The following ADRA1B variants were observed in gnomAD, a reference collection of about 807,000 sequenced individuals.
ADRA1B encodes adrenoceptor alpha 1B, also known as alpha-1B adrenergic receptor.
Under a neutral mutation model 17.9 loss-of-function variants are expected in ADRA1B, and 17 were observed. The observed-to-expected ratio is 0.95, with a 90% CI of 0.65 to 1.42. The LOEUF (loss-of-function observed/expected upper bound fraction) is 1.42. Ranked by LOEUF, ADRA1B falls within the 40% of genes most tolerant of loss-of-function variation. The probability of loss-of-function intolerance (pLI) is 0.00; values close to 1 mark genes in which losing one functional copy is unlikely to be tolerated. For missense variants in ADRA1B, 681 were observed against 722.1 expected (o/e 0.94, Z 0.65); for synonymous variants, 366 against 327.6 (o/e 1.12, Z -1.27).
intron 1 of ADRA1B, among the ~76,000 whole-genome samples, chr5:159,888,903 C>T (rs1450061155): frequency 6.6e-6 from 1 of 152,226 alleles, no homozygotes; most frequent in Non-Finnish European, 1.5e-5. Context: ...AGCTATTACA[C>T]TTCCTTTTTT....
chr5:159,950,910 C>T (rs1344410605), intron 1 of ADRA1B: 4 of 566,464 alleles, frequency 7.1e-6, no homozygotes, highest in Admixed American at 4.5e-5. Flanking sequence ...CCGCAGCCGT[C>T]GCACCACAGT....
chr5:159,924,292 T>C (rs1754580351), intron 1 of ADRA1B, among the ~76,000 whole-genome samples: 1 of 152,164 alleles, frequency 6.6e-6, no homozygotes, highest in Admixed American at 6.6e-5. Flanking sequence ...TCTCTGTGCG[T>C]GTGTATGTGT....
intron 1 of ADRA1B, among the ~76,000 whole-genome samples, chr5:159,926,517 G>A (rs1008648320): frequency 2.6e-5 from 4 of 152,108 alleles, no homozygotes; most frequent in Admixed American, 1.3e-4. Flanking sequence ...TTCATACAGC[G>A]TGTACCAGAC....
chr5:159,969,935 T>TAA (rs573102913), intron 1 of ADRA1B, among the ~76,000 whole-genome samples: 1 of 149,202 alleles, frequency 6.7e-6, no homozygotes, highest in African/African-American at 2.5e-5. Flanking sequence ...TGCATTTTTT[T>TAA]AAAAAAAAAA....
chr5:159,940,234 C>T (rs964098912), intron 1 of ADRA1B, among the ~76,000 whole-genome samples: 2 of 152,168 alleles, frequency 1.3e-5, no homozygotes, highest in Non-Finnish European at 2.9e-5. Flanking sequence ...CTTATCTGTG[C>T]ACTTCTTTGT....
At chr5:159,966,138 G>C (rs1028463476) in intron 1 of ADRA1B, among the ~76,000 whole-genome samples, 3 of 152,042 alleles carry the variant, frequency 2.0e-5, no homozygotes, top group African/African-American at 7.2e-5. Flanking sequence ...AAAGAAAACA[G>C]GCACAAAACT....
chr5:159,971,350 T>G lies in ADRA1B; in HGVS notation c.950-529T>G, dbSNP rs183377551. Among the ~76,000 whole-genome samples, 67 of 152,352 alleles carry G rather than the reference T, an allele frequency of 4.4e-4. 1 individual carries two copies. The highest frequency in any genetic ancestry group is 4.3e-3 in the Admixed American group (66 of 15,306). ...GATTCGTCCTTTTGAAGTATTGTTT[T>G]TCTTCACCCCTAGATCAAAAAAATA... On this transcript the variant is annotated intron_variant, in intron 1 of 1. Transcript: ENST00000306675.
rs1207783607 is a variant in ADRA1B, at chr5:159,972,955, G to A, written c.*463G>A. On this transcript the variant is annotated 3_prime_UTR_variant, in exon 2 of 2. Coordinates refer to ENST00000306675, the MANE Select transcript of ADRA1B (RefSeq NM_000679.4). ...AAGCCCCTCCTTGTACTTCACTGAA[G>A]GATGGCACTTTGGTGGGGTTGGAAA... Among the ~76,000 whole-genome samples the A allele has an allele frequency of 6.6e-6, 1 of 152,196 alleles. No individual in the cohort carries two copies. The highest frequency in any genetic ancestry group is 2.4e-5 in the African/African-American group (1 of 41,454).
chr5:159,969,938 A>ATT (rs1561612175), intron 1 of ADRA1B, among the ~76,000 whole-genome samples: 1 of 151,978 alleles, frequency 6.6e-6, no homozygotes, highest in African/African-American at 2.4e-5. Flanking sequence ...ATTTTTTTAA[A>ATT]AAAAAAACAC....
Position 159,945,063 on chromosome 5 carries a change from C to A in ADRA1B, c.950-26816C>A, listed in dbSNP as rs139653316. The stretch of plus-strand genomic sequence containing the variant: ...ATAAGCTCAACCTGAGGAAGCTGAT[C>A]GAAAAAGAAAATAATTAATTTTAAG... On this transcript the variant is annotated intron_variant, in intron 1 of 1. Transcript: ENST00000306675. Among the ~76,000 whole-genome samples the A allele has an allele frequency of 4.7e-3, 720 of 152,066 alleles. 6 individuals carry two copies. Among genetic ancestry groups the A allele is most frequent in the African/African-American group, 0.015 (626 of 41,468 alleles).
At chr5:159,957,467 T>C (rs1161665325) in intron 1 of ADRA1B, among the ~76,000 whole-genome samples, 1 of 147,496 alleles carries the variant, frequency 6.8e-6, no homozygotes, top group Non-Finnish European at 1.5e-5. Context: ...ATCATGCAAC[T>C]GCGCTCCAAT....
chr5:159,927,070 G>A (rs1754675783), intron 1 of ADRA1B, among the ~76,000 whole-genome samples: 1 of 152,118 alleles, frequency 6.6e-6, no homozygotes, highest in Admixed American at 6.5e-5. Context: ...AAGCGAGATT[G>A]GCTAGGTCAA....
intron 1 of ADRA1B, among the ~76,000 whole-genome samples, chr5:159,936,137 C>T (rs1219515944): frequency 1.3e-5 from 2 of 152,208 alleles, no homozygotes; most frequent in South Asian, 2.1e-4. Flanking sequence ...TGTCAGGAGA[C>T]ATTTTTTATT....
chr5:159,919,940 C>G (rs565924932), intron 1 of ADRA1B, among the ~76,000 whole-genome samples: 1 of 152,342 alleles, frequency 6.6e-6, no homozygotes, highest in South Asian at 2.1e-4. Flanking sequence ...CTCTGTGGCT[C>G]TAGGCTTGCT....
chr5:159,924,120 G>A (rs1246998624), intron 1 of ADRA1B, among the ~76,000 whole-genome samples: 1 of 152,268 alleles, frequency 6.6e-6, no homozygotes, highest in East Asian at 1.9e-4. Flanking sequence ...ACTGGCTTAT[G>A]ACGAATCAGA....
At chr5:159,951,420 T>G (rs547124879) in intron 1 of ADRA1B, 7 of 795,222 alleles carry the variant, frequency 8.8e-6, no homozygotes, top group Admixed American at 1.7e-5. Flanking sequence ...ATATCCACTT[T>G]ACTAGAGTTA....
chr5:159,880,138 T>C (rs1753848480), intron 1 of ADRA1B, among the ~76,000 whole-genome samples: 1 of 152,232 alleles, frequency 6.6e-6, no homozygotes, highest in Admixed American at 6.5e-5. Context: ...AAGGCCCTTT[T>C]TGGGCACTAC....
intron 1 of ADRA1B, among the ~76,000 whole-genome samples, chr5:159,903,588 T>C (rs1390513498): frequency 6.6e-6 from 1 of 152,150 alleles, no homozygotes; most frequent in Non-Finnish European, 1.5e-5. Context: ...CCACTGGTAA[T>C]GGCCAAGTAG....
Position 159,972,121 on chromosome 5 carries a change from G to C in ADRA1B, c.1192G>C (p.Glu398Gln). 2 of 1,323,304 alleles carry C rather than the reference G, an allele frequency of 1.5e-6. No homozygotes were observed. Among genetic ancestry groups the C allele is most frequent in the Non-Finnish European group, 1.9e-6 (2 of 1,027,104 alleles). 82.0% of individuals were successfully genotyped at this position (1,323,304 alleles called of 1,614,324 possible). Residue 398 changes from glutamate to glutamine, a missense_variant, in exon 2 of 2, where the codon GAG becomes CAG. Transcript: ENST00000306675. Reference protein sequence around the residue: ...YRPWTRGGSLERSQSRKDSLD... With the variant: ...YRPWTRGGSLQRSQSRKDSLD... ...GCCGTGGACGCGCGGCGGCTCGCTG[G>C]AGCGCTCGCAGTCGCGCAAGGACTC... is the stretch of plus-strand genomic sequence containing the variant.
Sources: gnomAD v4.1 joint callset for allele counts (sites outside exome capture counted in the v4.1 genomes callset) on GRCh38, gnomAD v4.1.1 for gene constraint, MANE v1.5 for transcripts, NCBI Gene and HGNC (gene_info 2026-07-23, HGNC 2026-07-21) for gene names.